The following CBR4 variants were observed in gnomAD, a reference collection of about 807,000 sequenced individuals.
CBR4 encodes the protein 3-oxoacyl-[acyl-carrier-protein] reductase.
In CBR4, 22 loss-of-function variants were observed where a neutral mutation model predicts 21.0. That is an observed-to-expected ratio of 1.05 (90% CI 0.75 to 1.50). CBR4 has a LOEUF of 1.50. Among genes scored for constraint, CBR4 ranks in the 40% most tolerant of loss-of-function variants. The pLI is 0.00. For missense variants in CBR4, 302 were observed against 286.3 expected, an observed-to-expected ratio of 1.05 and a Z score of -0.40; for synonymous variants, 100 against 104.4, an observed-to-expected ratio of 0.96 and a Z score of 0.26.
intron 1 of CBR4, among the ~76,000 whole-genome samples, chr4:169,009,452 A>G (rs899333901): frequency 1.4e-4 from 22 of 152,248 alleles, no homozygotes; most frequent in African/African-American, 4.3e-4. Flanking sequence ...TGCTTTGTGC[A>G]TTCGCGCAGG....
At chr4:168,944,243 G>A (rs1490721772) in intron 2 of CBR4, among the ~76,000 whole-genome samples, 2 of 152,028 alleles carry the variant, frequency 1.3e-5, no homozygotes, top group Non-Finnish European at 2.9e-5. Flanking sequence ...CCAGGAGTTT[G>A]AGACCAGCTT....
chr4:168,913,607 A>G (rs1304891619), intron 2 of CBR4, among the ~76,000 whole-genome samples: 1 of 152,058 alleles, frequency 6.6e-6, no homozygotes, highest in Non-Finnish European at 1.5e-5. Context: ...ATTCAACATC[A>G]TGTGTTACGG....
At chr4:168,929,004 A>C (rs6839909) in intron 2 of CBR4, among the ~76,000 whole-genome samples, 20,478 of 152,240 alleles carry the variant, frequency 0.13, 1,549 homozygotes, top group Middle Eastern at 0.22. Flanking sequence ...TGTATACACC[A>C]GAGGATGGGG....
intron 2 of CBR4, 96 bp from the exon 3 acceptor site, chr4:169,006,987 T>C: frequency 1.1e-6 from 1 of 948,106 alleles, no homozygotes; most frequent in Non-Finnish European, 1.6e-6. Flanking sequence ...GTGCAAGAAG[T>C]GCTTCCTATC....
chr4:168,907,068 T>C (rs1757966478), intron 2 of CBR4, among the ~76,000 whole-genome samples: 1 of 152,038 alleles, frequency 6.6e-6, no homozygotes, highest in Non-Finnish European at 1.5e-5. Flanking sequence ...TGTGTGACCT[T>C]AGCAAGTCAC....
intron 2 of CBR4, among the ~76,000 whole-genome samples, chr4:168,911,559 T>C (rs1346974739): frequency 1.3e-5 from 2 of 152,206 alleles, no homozygotes; most frequent in Admixed American, 6.5e-5. Flanking sequence ...TCATGTGTTA[T>C]CTTGTATGAT....
chr4:168,972,178 G>A (rs1764231935), intron 2 of CBR4, among the ~76,000 whole-genome samples: 1 of 152,116 alleles, frequency 6.6e-6, no homozygotes, highest in South Asian at 2.1e-4. Flanking sequence ...TATTTGATAA[G>A]TATAGCCTGT....
downstream of CBR4, among the ~76,000 whole-genome samples, chr4:168,985,563 A>AC (rs1449471638): frequency 6.6e-6 from 1 of 152,210 alleles, no homozygotes; most frequent in African/African-American, 2.4e-5. Context: ...AATATAAATT[A>AC]TTCTACCATG....
intron 3 of CBR4, among the ~76,000 whole-genome samples, chr4:169,004,961 T>C (rs1730780910): frequency 1.3e-5 from 2 of 152,150 alleles, no homozygotes. Flanking sequence ...CCTGTACTTA[T>C]GATACAAAAA....
At position 168,987,755 on chromosome 4, in the gene CBR4, T is replaced by C. The variant is rs1764738930; in HGVS notation, c.*2395A>G. 1 of 985,038 alleles carries C rather than the reference T, an allele frequency of 1.0e-6. No individual in the cohort carries two copies. The highest frequency in any genetic ancestry group is 1.2e-6 in the Non-Finnish European group (1 of 829,710). The allele number at this position is 985,038 out of a possible 1,614,324, so 61.0% of individuals were successfully genotyped here. A position where few individuals can be genotyped will look rare whatever the true frequency, so the allele number is the denominator to read the frequency against. ...ATGCAGCGTAGTCTTCTCTCTTTAT[T>C]CTGAATAACAGAAGCACGTAAATTA... On this transcript the variant is annotated 3_prime_UTR_variant, in exon 5 of 5. Transcript: ENST00000306193.
chr4:168,952,677 G>T (rs187512678), intron 2 of CBR4, among the ~76,000 whole-genome samples: 229 of 152,256 alleles, frequency 1.5e-3, no homozygotes, highest in African/African-American at 5.2e-3. Context: ...TGCAGTGATT[G>T]TTATCTCTTT....
chr4:168,942,534 A>G (rs1476963692), intron 2 of CBR4, among the ~76,000 whole-genome samples: 1 of 152,174 alleles, frequency 6.6e-6, no homozygotes, highest in Non-Finnish European at 1.5e-5. Context: ...AACTAGAAGA[A>G]AACATTGAGA....
intron 4 of CBR4, among the ~76,000 whole-genome samples, chr4:168,997,727 C>T (rs910858106): frequency 3.9e-5 from 6 of 152,108 alleles, no homozygotes; most frequent in African/African-American, 1.4e-4. Flanking sequence ...TTTTTATATA[C>T]AGCAGAGCCT....
chr4:168,918,428 C>T (rs976507046), intron 2 of CBR4, among the ~76,000 whole-genome samples: 2 of 151,682 alleles, frequency 1.3e-5, no homozygotes, highest in Non-Finnish European at 2.9e-5. Flanking sequence ...GTGAAATAGG[C>T]CAGGCACAGA....
rs1260141929 is a variant in CBR4 at position 168,921,637 on chromosome 4, C to T, written n.170-26872G>A. ...CTGGTGCGTGAGAACGGGGTGCACT[C>T]TCTGATCATAGAGCCAGTCACGTCA... On this transcript the variant is annotated intron_variant and non_coding_transcript_variant, in intron 2 of 3. Transcript: ENST00000509108. 1.2e-6 allele frequency: 2 copies of T among 1,611,342 alleles called. No individual in the cohort carries two copies. Among genetic ancestry groups the T allele is most frequent in the Non-Finnish European group, 1.7e-6 (2 of 1,179,670 alleles).
At chr4:168,901,457 G>A (rs1756498009) in intron 2 of CBR4, among the ~76,000 whole-genome samples, 1 of 152,162 alleles carries the variant, frequency 6.6e-6, no homozygotes, top group African/African-American at 2.4e-5. Flanking sequence ...CAAGTATAAT[G>A]GAGGTGAAAA....
chr4:168,990,223 A>T lies in CBR4; in HGVS notation c.641T>A (p.Val214Glu). The T allele has an allele frequency of 1.9e-6, 3 of 1,613,342 alleles. No individual in the cohort carries two copies. The highest frequency in any genetic ancestry group is 1.7e-6 in the Non-Finnish European group (2 of 1,179,422). The part of the protein sequence containing the change: ...GETIEVAHAV[V>E]FLLESPYITG... ...AATATACGGTGATTCTAAAAGAAAC[A>T]CAACCGCATGTGCCACCTCAATAGT... Residue 214 changes from valine (V) to glutamate (E), a missense_variant, in exon 5 of 5, where the codon GTG becomes GAG. Physicochemically the swap from Val to Glu is moderately radical, Grantham distance 121. Transcript: ENST00000306193.
chr4:168,988,419 C>T lies in CBR4; in HGVS notation c.*1731G>A, dbSNP rs563426331. The T allele has an allele frequency of 7.2e-5, 71 of 985,252 alleles. No homozygotes were observed. The highest frequency in any genetic ancestry group is 1.0e-3 in the Middle Eastern group (2 of 1,936). 61.0% of individuals were successfully genotyped at this position (985,252 alleles called of 1,614,324 possible). On this transcript the variant is annotated 3_prime_UTR_variant, in exon 5 of 5. Coordinates refer to ENST00000306193, the MANE Select transcript of CBR4 (RefSeq NM_032783.5). ...CCCAAATCACCAATTGAATCAGCCT[C>T]GCTCATGATTTCAGAGCATAAGGTG...
intron 2 of CBR4, among the ~76,000 whole-genome samples, chr4:168,932,312 G>A (rs1006070403): frequency 6.6e-6 from 1 of 150,396 alleles, no homozygotes; most frequent in African/African-American, 2.4e-5. Flanking sequence ...ATGCAATCAA[G>A]AGCTTCAACA....
Sources: allele counts gnomAD v4.1 joint callset (sites outside exome capture counted in the v4.1 genomes callset), GRCh38; gene constraint gnomAD v4.1.1; transcripts MANE v1.5; gene names NCBI Gene and HGNC (gene_info 2026-07-23, HGNC 2026-07-21).